FSD2: variants seen among roughly 807,000 people sequenced by gnomAD.
The protein encoded by FSD2 is fibronectin type III and SPRY domain-containing protein 2.
A neutral mutation model predicts 80.4 loss-of-function variants in FSD2; 71 were observed. That is an observed-to-expected ratio of 0.88 (90% CI 0.73 to 1.08). The LOEUF (loss-of-function observed/expected upper bound fraction) is 1.08. Ranked by LOEUF, FSD2 falls within the 50% of genes least tolerant of loss-of-function variation. FSD2 has a pLI of 0.00. For synonymous variants in FSD2, 361 were observed against 329.5 expected (o/e 1.10, Z -1.03); for missense variants, 923 against 913.8 (o/e 1.01, Z -0.13).
intron 3 of FSD2, 55 bp from the exon 4 acceptor site, chr15:82,783,080 AGTCTTTT>A: frequency 7.7e-7 from 1 of 1,306,560 alleles, no homozygotes; most frequent in Non-Finnish European, 1.1e-6. Context: ...TGTTGATTAG[AGTCTTTT>A]GTTTTTTGTT....
At chr15:82,782,565 C>T (rs911251417) in intron 4 of FSD2, among the ~76,000 whole-genome samples, 7 of 152,164 alleles carry the variant, frequency 4.6e-5, no homozygotes, top group African/African-American at 1.7e-4. Flanking sequence ...AGAGTCTGCG[C>T]TGTGAGTCCG....
In FSD2 at chr15:82,773,965, A is replaced by G. The variant is rs566299439; in HGVS notation, c.1112-1737T>C. Among the ~76,000 whole-genome samples, 5 of 152,368 alleles carry G rather than the reference A, an allele frequency of 3.3e-5. No individual in the cohort carries two copies. The South Asian group carries it at 1.0e-3, about 32-fold the overall frequency. On this transcript the variant is annotated intron_variant, in intron 6 of 12. Transcript: ENST00000334574. ...GAAAAAACCTAAAATGCTGTACACA[A>G]CATTGTCCACAATCATGTTGTTCAG...
chr15:82,790,155 A>C (rs927000706), intron 1 of FSD2, among the ~76,000 whole-genome samples: 1 of 151,760 alleles, frequency 6.6e-6, no homozygotes, highest in Admixed American at 6.6e-5. Context: ...CAGCCTGGAC[A>C]ACAGAGCGAG....
intron 1 of FSD2, among the ~76,000 whole-genome samples, chr15:82,792,640 T>G (rs578223795): frequency 6.6e-6 from 1 of 151,926 alleles, no homozygotes; most frequent in East Asian, 1.9e-4. Flanking sequence ...AGTTTATCTA[T>G]TTTTTTTGTT....
At chr15:82,796,000 C>CTTTTTT (rs143711664) in intron 1 of FSD2, among the ~76,000 whole-genome samples, 12 of 117,492 alleles carry the variant, frequency 1.0e-4, no homozygotes, top group South Asian at 5.5e-4. Context: ...TTTTTCTTTT[C>CTTTTTT]TTTTTTTTTT....
At position 82,756,094 on chromosome 15, in the gene FSD2, C is replaced by A; in HGVS notation, c.*3254G>T. 2.2e-6 allele frequency: 1 copy of A among 451,296 alleles called. No individual in the cohort carries two copies. Among genetic ancestry groups the A allele is most frequent in the Non-Finnish European group, 4.5e-6 (1 of 220,292 alleles). 28.0% of individuals were successfully genotyped at this position (451,296 alleles called of 1,614,324 possible). A position where few individuals can be genotyped will look rare whatever the true frequency, so the allele number is the denominator to read the frequency against. ...GCAATTACACGCTTTCCATTGTCTTCCTATAGAAAATAGGAGTAGTACACT... is the reference window on the plus strand; with the variant it reads ...GCAATTACACGCTTTCCATTGTCTTACTATAGAAAATAGGAGTAGTACACT... On this transcript the variant is annotated 3_prime_UTR_variant, in exon 13 of 13. Coordinates refer to ENST00000334574, the MANE Select transcript of FSD2 (RefSeq NM_001007122.4).
intron 1 of FSD2, among the ~76,000 whole-genome samples, chr15:82,793,591 A>G (rs2050197628): frequency 6.6e-6 from 1 of 152,198 alleles, no homozygotes; most frequent in African/African-American, 2.4e-5. Flanking sequence ...AAGGAAATGT[A>G]TGTCAAAATA....
chr15:82,778,540 A>G (rs2049776412), intron 6 of FSD2, among the ~76,000 whole-genome samples: 4 of 152,122 alleles, frequency 2.6e-5, no homozygotes, highest in Admixed American at 2.6e-4. Flanking sequence ...GCTTGGGGGA[A>G]GGGGAAACGG....
At chr15:82,805,362 A>G (rs1441985356) in intron 1 of FSD2, among the ~76,000 whole-genome samples, 2 of 152,136 alleles carry the variant, frequency 1.3e-5, no homozygotes, top group Non-Finnish European at 2.9e-5. Flanking sequence ...TAGCTCTTCC[A>G]TGCAGCCCTT....
intron 1 of FSD2, among the ~76,000 whole-genome samples, chr15:82,787,675 G>C (rs574248794): frequency 2.6e-5 from 4 of 151,734 alleles, no homozygotes; most frequent in African/African-American, 9.7e-5. Context: ...AATTACAAAA[G>C]AAATGTCTAA....
chr15:82,786,916 C>T lies in FSD2; in HGVS notation c.475G>A (p.Glu159Lys), dbSNP rs752459574. 20 of 1,613,992 alleles carry T rather than the reference C, an allele frequency of 1.2e-5. No individual in the cohort carries two copies. Among genetic ancestry groups the T allele is most frequent in the South Asian group, 6.6e-5 (6 of 91,084 alleles). Residue 159 changes from glutamate to lysine, a missense_variant, in exon 2 of 13, where the codon GAG becomes AAG. Transcript: ENST00000334574. ...AYRYTHGRAS[E>K]EYECYVIPEE... Reference sequence around the variant, plus strand: ...GGGATGACATAGCATTCATACTCCTCGCTGGCACGGCCGTGTGTGTACCTA... The same window carrying T: ...GGGATGACATAGCATTCATACTCCTTGCTGGCACGGCCGTGTGTGTACCTA...
intron 10 of FSD2, among the ~76,000 whole-genome samples, chr15:82,765,559 G>A (rs892619702): frequency 5.3e-5 from 8 of 152,138 alleles, no homozygotes; most frequent in African/African-American, 1.9e-4. Flanking sequence ...GGCACAAGGT[G>A]GTTAAGAAAT....
chr15:82,780,337 C>CTTTT, intron 4 of FSD2, 70 bp from the exon 5 acceptor site: 16 of 887,254 alleles, frequency 1.8e-5, no homozygotes, highest in South Asian at 5.7e-5. Flanking sequence ...TTCTTTCTTT[C>CTTTT]TTTTTTTTTT....
At position 82,769,811 on chromosome 15, in the gene FSD2, C is replaced by T. The variant is rs956388497; in HGVS notation, c.1341G>A (p.Trp447Ter). Residue 447 changes from tryptophan (W) to a stop codon, truncating the protein, a stop_gained, in exon 8 of 13, where the codon TGG (tryptophan) becomes TGA (stop). Coordinates refer to ENST00000334574, the MANE Select transcript of FSD2 (RefSeq NM_001007122.4). LOFTEE classifies it high-confidence loss of function. ...NLVPNTQYEFWVTAHNRAGPS... is the reference protein window; with the variant it reads ...NLVPNTQYEF Reference sequence around the variant, plus strand: ...GGCCAGCCCTGTTGTGAGCTGTGACCCAAAATTCATACTGGGTATTTGGCA... The same window carrying T: ...GGCCAGCCCTGTTGTGAGCTGTGACTCAAAATTCATACTGGGTATTTGGCA... 3 of 1,613,844 alleles carry T rather than the reference C, an allele frequency of 1.9e-6. No individual in the cohort carries two copies. The highest frequency in any genetic ancestry group is 1.3e-5 in the African/African-American group (1 of 74,972).
At chr15:82,775,631 AT>A (rs1009384081) in intron 6 of FSD2, among the ~76,000 whole-genome samples, 15 of 152,130 alleles carry the variant, frequency 9.9e-5, no homozygotes, top group Non-Finnish European at 1.9e-4. Flanking sequence ...CATATATGAC[AT>A]TTTTTATAAT....
intron 6 of FSD2, among the ~76,000 whole-genome samples, chr15:82,773,004 G>A (rs1021177717): frequency 2.6e-5 from 4 of 152,048 alleles, no homozygotes; most frequent in South Asian, 2.1e-4. Context: ...ACACCACCAC[G>A]CCCAGCTAGT....
At chr15:82,783,884 C>T (rs2049933766) in intron 3 of FSD2, among the ~76,000 whole-genome samples, 1 of 152,096 alleles carries the variant, frequency 6.6e-6, no homozygotes, top group Non-Finnish European at 1.5e-5. Flanking sequence ...TGAGAAGATG[C>T]AAGAGGGCAG....
chr15:82,790,639 G>C (rs746238366), intron 1 of FSD2, among the ~76,000 whole-genome samples: 7 of 151,520 alleles, frequency 4.6e-5, no homozygotes, highest in Non-Finnish European at 8.8e-5. Flanking sequence ...CCAGTGGCGC[G>C]ATCTCGGCTC....
At chr15:82,805,400 G>A (rs550699247) in intron 1 of FSD2, among the ~76,000 whole-genome samples, 1 of 152,168 alleles carries the variant, frequency 6.6e-6, no homozygotes, top group East Asian at 1.9e-4. Flanking sequence ...AGCAGTGAAA[G>A]AAAGCTTGCC....
Sources: allele counts gnomAD v4.1 joint callset (sites outside exome capture counted in the v4.1 genomes callset), GRCh38; gene constraint gnomAD v4.1.1; transcripts MANE v1.5; gene names NCBI Gene and HGNC (gene_info 2026-07-23, HGNC 2026-07-21).